The following ARMH3 variants were observed in gnomAD, a reference collection of about 807,000 sequenced individuals.
ARMH3 encodes armadillo like helical domain containing 3, also known as armadillo-like helical domain-containing protein 3.
In ARMH3, 60 loss-of-function variants were observed where a neutral mutation model predicts 99.1. The observed-to-expected ratio is 0.61, with a 90% CI of 0.49 to 0.75. The LOEUF (loss-of-function observed/expected upper bound fraction) is 0.75, where lower values mean the gene tolerates loss of function less well. Among genes scored for constraint, ARMH3 ranks in the 30% least tolerant of loss-of-function variants. ARMH3 has a pLI of 0.00. For missense variants in ARMH3, 679 were observed against 843.1 expected, an observed-to-expected ratio of 0.81 and a Z score of 2.41; for synonymous variants, 285 against 292.8, an observed-to-expected ratio of 0.97 and a Z score of 0.27.
chr10:102,016,670 T>C (rs2066755953), intron 8 of ARMH3, among the ~76,000 whole-genome samples: 1 of 152,246 alleles, frequency 6.6e-6, no homozygotes, highest in South Asian at 2.1e-4. Flanking sequence ...CAGGATCTTA[T>C]GTTGTGAAAA....
At chr10:102,040,368 C>T (rs909340164) in intron 1 of ARMH3, among the ~76,000 whole-genome samples, 1 of 152,156 alleles carries the variant, frequency 6.6e-6, no homozygotes, top group Admixed American at 6.5e-5. Flanking sequence ...AGGAAGCAGA[C>T]GTATGGGCTA....
intron 22 of ARMH3, among the ~76,000 whole-genome samples, chr10:101,943,251 C>T (rs1013954031): frequency 1.3e-5 from 2 of 152,158 alleles, no homozygotes; most frequent in Admixed American, 1.3e-4. Context: ...CTGATCTATG[C>T]ATATGGAAGA....
chr10:101,863,594 A>G (rs1427040125), intron 24 of ARMH3, among the ~76,000 whole-genome samples: 6 of 152,138 alleles, frequency 3.9e-5, no homozygotes, highest in Non-Finnish European at 8.8e-5. Context: ...ATTTGGAACA[A>G]TTTGAAAAAT....
At chr10:101,959,086 G>A (rs1845167433) in intron 20 of ARMH3, among the ~76,000 whole-genome samples, 1 of 152,172 alleles carries the variant, frequency 6.6e-6, no homozygotes, top group Admixed American at 6.5e-5. Flanking sequence ...GTTTCATAAT[G>A]AAAAGGCAAA....
In ARMH3 at chr10:101,956,768, G is replaced by A. The variant is rs777494239; in HGVS notation, c.1579-45C>T. ...CCATATATAGGCATCAGGCTATGAA[G>A]ACTAAAAATTATCAGTGGTATGCTG... On this transcript the variant is annotated intron_variant, in intron 21 of 25. Transcript: ENST00000370033. The A allele has an allele frequency of 4.8e-5, 77 of 1,594,750 alleles. No individual in the cohort carries two copies. In the African/African-American group the frequency reaches 9.3e-4, roughly 19 times the overall value.
At chr10:101,991,393 T>G (rs548316057) in intron 18 of ARMH3, among the ~76,000 whole-genome samples, 1 of 151,162 alleles carries the variant, frequency 6.6e-6, no homozygotes, top group South Asian at 2.1e-4. Flanking sequence ...GAATTTGAAA[T>G]CTTTTTTTTT....
intron 15 of ARMH3, among the ~76,000 whole-genome samples, chr10:102,000,480 C>T (rs1335724505): frequency 6.6e-6 from 1 of 151,688 alleles, no homozygotes; most frequent in Non-Finnish European, 1.5e-5. Flanking sequence ...GTTCTGAGGC[C>T]AGGTGCGGTG....
chr10:101,975,427 CA>C, intron 19 of ARMH3, 127 bp from the exon 20 acceptor site: 13 of 589,910 alleles, frequency 2.2e-5, no homozygotes, highest in East Asian at 3.3e-5. Context: ...TGTATACATG[CA>C]AAAAAATATA....
At chr10:101,950,395 T>C (rs1357677196) in intron 22 of ARMH3, among the ~76,000 whole-genome samples, 1 of 152,166 alleles carries the variant, frequency 6.6e-6, no homozygotes, top group Non-Finnish European at 1.5e-5. Flanking sequence ...TGGCAGTTCC[T>C]CAAAAGGTTA....
chr10:101,914,605 C>T (rs1279301850), intron 23 of ARMH3, among the ~76,000 whole-genome samples: 8 of 151,802 alleles, frequency 5.3e-5, no homozygotes. Context: ...GTGGCTTATG[C>T]CTATAATCCC....
intron 23 of ARMH3, among the ~76,000 whole-genome samples, chr10:101,928,182 A>T (rs1226783899): frequency 1.3e-5 from 2 of 152,216 alleles, no homozygotes; most frequent in Admixed American, 6.5e-5. Context: ...TACATACAAG[A>T]TCTCTCCCAA....
At chr10:101,876,394 GAGAAA>G (rs2067268448) in intron 24 of ARMH3, among the ~76,000 whole-genome samples, 1 of 152,096 alleles carries the variant, frequency 6.6e-6, no homozygotes, top group South Asian at 2.1e-4. Flanking sequence ...GAAAGGGAGA[GAGAAA>G]ACATTGTCTT....
At chr10:102,009,560 T>A in intron 12 of ARMH3, 111 bp from the exon 13 acceptor site, 1 of 963,858 alleles carries the variant, frequency 1.0e-6, no homozygotes, top group Non-Finnish European at 1.6e-6. Context: ...ATCAATTCCT[T>A]TGCATTTCTA....
chr10:101,863,526 T>G (rs994910869), intron 24 of ARMH3, among the ~76,000 whole-genome samples: 1 of 152,180 alleles, frequency 6.6e-6, no homozygotes. Context: ...TTGAACTGTG[T>G]GGGTCCACTT....
chr10:101,889,611 G>C, intron 23 of ARMH3, 121 bp from the exon 24 acceptor site: 1 of 879,214 alleles, frequency 1.1e-6, no homozygotes, highest in Non-Finnish European at 1.9e-6. Context: ...ATTGTGACTG[G>C]GTAACTTCCT....
At chr10:102,014,798 T>C (rs1329665392) in intron 8 of ARMH3, among the ~76,000 whole-genome samples, 1 of 152,118 alleles carries the variant, frequency 6.6e-6, no homozygotes, top group Non-Finnish European at 1.5e-5. Context: ...AGCAACTGGA[T>C]CATCTCCTAC....
chr10:101,891,720 C>G (rs547241240), intron 23 of ARMH3, among the ~76,000 whole-genome samples: 9 of 152,132 alleles, frequency 5.9e-5, no homozygotes, highest in African/African-American at 1.9e-4. Context: ...CATAAAATGA[C>G]GGAAATTAGG....
At chr10:101,870,233 C>G (rs979956553) in intron 24 of ARMH3, among the ~76,000 whole-genome samples, 1 of 152,076 alleles carries the variant, frequency 6.6e-6, no homozygotes, top group Admixed American at 6.6e-5. Context: ...ATTTTATGAA[C>G]GAATTATGCC....
chr10:101,863,864 T>G (rs996343568), intron 24 of ARMH3, among the ~76,000 whole-genome samples: 2 of 151,980 alleles, frequency 1.3e-5, no homozygotes, highest in African/African-American at 4.8e-5. Context: ...AGTTCGAGAC[T>G]GGCCTGGCCA....
Sources: gnomAD v4.1 joint callset for allele counts (sites outside exome capture counted in the v4.1 genomes callset) on GRCh38, gnomAD v4.1.1 for gene constraint, MANE v1.5 for transcripts, NCBI Gene and HGNC (gene_info 2026-07-23, HGNC 2026-07-21) for gene names.